The following ATP7A variants were observed in gnomAD, a reference collection of about 807,000 sequenced individuals.
ATP7A encodes ATPase copper transporting alpha.
ATP7A carries 7 observed loss-of-function variants against 83.5 expected under a neutral mutation model. That is an observed-to-expected ratio of 0.08 (90% CI 0.05 to 0.16). ATP7A has a LOEUF of 0.16. ATP7A is among the 10% of genes least tolerant of loss of function. ATP7A has a pLI of 1.00. For missense variants in ATP7A, 940 were observed against 1,120.8 expected (o/e 0.84, Z 2.30); for synonymous variants, 354 against 395.2 (o/e 0.90, Z 1.24).
At chrX:77,923,086 T>C (rs782781796) in intron 1 of ATP7A, 8 of 112,532 alleles carry the variant, frequency 7.1e-5, no homozygotes, top group Non-Finnish European at 1.5e-4. Context: ...AATCCAAGTC[T>C]GTCTGATGCC....
chrX:77,966,609 T>C (rs933312915), intron 1 of ATP7A, among the ~76,000 whole-genome samples: 2 of 111,498 alleles, frequency 1.8e-5, no homozygotes, highest in South Asian at 3.7e-4. Context: ...GAAATAAAAT[T>C]AGTGTTTGCC....
At chrX:77,986,359 A>G (rs2077636738) in intron 2 of ATP7A, among the ~76,000 whole-genome samples, 1 of 112,785 alleles carries the variant, frequency 8.9e-6, no homozygotes, top group Non-Finnish European at 1.9e-5. Flanking sequence ...GAGATTTTCT[A>G]TGCTGAATTA....
rs1030987530 is a variant in ATP7A at position 77,919,514 on chromosome X, G to A, written c.-22+8679G>A. On this transcript the variant is annotated intron_variant, in intron 1 of 22. Transcript: ENST00000341514. ...CTATTTTAACCTTTTTTTTTGAGAC[G>A]AAGTCTCACTCTGTCACCCAGGATG... Among the ~76,000 whole-genome samples, 6 of 111,396 alleles carry A rather than the reference G, an allele frequency of 5.4e-5. No individual in the cohort carries two copies. In the East Asian group the frequency reaches 8.4e-4, roughly 16 times the overall value.
chrX:78,038,434 A>C, intron 17 of ATP7A, among the ~76,000 whole-genome samples: 1 of 111,551 alleles, frequency 9.0e-6, no homozygotes, highest in South Asian at 3.8e-4. Context: ...CCACTTAAAG[A>C]AAATGAGATG....
intron 21 of ATP7A, among the ~76,000 whole-genome samples, chrX:78,043,657 C>CTTT (rs781972709): frequency 5.3e-5 from 5 of 93,824 alleles, no homozygotes; most frequent in East Asian, 3.3e-4. Flanking sequence ...TTCCCTCCAA[C>CTTT]TTTTTTTTTT....
chrX:77,948,162 T>A (rs1270977836), intron 1 of ATP7A, among the ~76,000 whole-genome samples: 1 of 109,280 alleles, frequency 9.2e-6, no homozygotes, highest in African/African-American at 3.3e-5. Flanking sequence ...AGTCTTGCTC[T>A]GTCACCCAGG....
rs150140065 is a variant in ATP7A at position 77,931,341 on chromosome X, G to A, written c.-22+20506G>A. Among the ~76,000 whole-genome samples the A allele has an allele frequency of 8.9e-4, 99 of 111,358 alleles. No individual in the cohort carries two copies. The East Asian group carries it at 0.026, about 30-fold the overall frequency. ...GCACAGGGTTGGGGGTAAGGTCACCGATGAGCAGGATCCCAAGGCAGAAGA... is the reference window on the plus strand; with the variant it reads ...GCACAGGGTTGGGGGTAAGGTCACCAATGAGCAGGATCCCAAGGCAGAAGA... On this transcript the variant is annotated intron_variant, in intron 1 of 22. Coordinates refer to ENST00000341514, the MANE Select transcript of ATP7A (RefSeq NM_000052.7).
intron 4 of ATP7A, among the ~76,000 whole-genome samples, chrX:77,991,665 A>G (rs1437144019): frequency 9.0e-6 from 1 of 111,268 alleles, no homozygotes; most frequent in Non-Finnish European, 1.9e-5. Context: ...TAGCTGTTCC[A>G]TTTTACATTA....
At position 77,998,451 on chromosome X, in the gene ATP7A, TGAAAAGAATC is replaced by T. The variant is rs781921078; in HGVS notation, c.1337-26_1337-17del. On this transcript the variant is annotated splice_polypyrimidine_tract_variant and intron_variant, in intron 4 of 22. Transcript: ENST00000341514. ...GCAATTGAATGATCAATACTGCAAA[TGAAAAGAATC>T]TTTCCCTTTCTACCAGACACGAATG... The T allele has an allele frequency of 8.4e-7, 1 of 1,196,451 alleles. No homozygotes were observed. Among genetic ancestry groups the T allele is most frequent in the South Asian group, 1.8e-5 (1 of 56,650 alleles).
At chrX:77,933,492 C>T (rs1279507065) in intron 1 of ATP7A, among the ~76,000 whole-genome samples, 2 of 111,587 alleles carry the variant, frequency 1.8e-5, no homozygotes, top group African/African-American at 6.5e-5. Flanking sequence ...AATTGAGTAT[C>T]CCTTATCAGA....
chrX:78,033,641 T>C lies in ATP7A; in HGVS notation c.3331T>C (p.Phe1111Leu). Reference sequence around the variant, plus strand: ...TGAAACCTTGGGTACCTGCATAGATTTCCAGGTTGTGCCAGGCTGTGGTAT... The same window carrying C: ...TGAAACCTTGGGTACCTGCATAGATCTCCAGGTTGTGCCAGGCTGTGGTAT... ...DTETLGTCID[F>L]QVVPGCGISC... Residue 1111 changes from phenylalanine to leucine, a missense_variant, in exon 17 of 23, where the codon TTC (phenylalanine) becomes CTC (leucine). Phe to Leu is a conservative substitution (Grantham distance 22). Around this residue, in one of 3 missense-constraint regions of ATP7A, gnomAD observed 386 missense variants for 502.2 expected, o/e 0.77. Transcript: ENST00000341514. The C allele has an allele frequency of 8.3e-7, 1 of 1,211,709 alleles. No individual in the cohort carries two copies. The highest frequency in any genetic ancestry group is 1.1e-6 in the Non-Finnish European group (1 of 895,449).
Position 78,011,501 on chromosome X carries a change from C to T in ATP7A, c.1999C>T (p.Leu667=). Residue 667 remains leucine (L), a synonymous_variant, in exon 9 of 23, where the codon CTG becomes TTG. Transcript: ENST00000341514. ...SLFFCIPVMG[L]MIYMMVMDHH... ...GTTTTTCTGTATTCCTGTAATGGGG[C>T]TGATGATATATATGATGGTTATGGA... The T allele has an allele frequency of 8.3e-7, 1 of 1,210,403 alleles. No individual in the cohort carries two copies. Among genetic ancestry groups the T allele is most frequent in the South Asian group, 1.8e-5 (1 of 56,891 alleles).
chrX:77,947,326 C>T (rs1200366808), intron 1 of ATP7A, among the ~76,000 whole-genome samples: 1 of 111,530 alleles, frequency 9.0e-6, no homozygotes, highest in African/African-American at 3.3e-5. Context: ...TGAAAAAGTT[C>T]TGAAGACAGA....
At chrX:78,041,571 G>A (rs1398104932) in intron 19 of ATP7A, among the ~76,000 whole-genome samples, 1 of 109,905 alleles carries the variant, frequency 9.1e-6, no homozygotes, top group African/African-American at 3.3e-5. Context: ...CACCGCACCC[G>A]GCCTATTAAC....
chrX:78,040,199 GCC>G (rs72092192), intron 18 of ATP7A, among the ~76,000 whole-genome samples: 27,545 of 86,921 alleles, frequency 0.32, 2,977 homozygotes, highest in South Asian at 0.45. Context: ...GTCTCTCTCT[GCC>G]CCCCCCCCCT....
intron 1 of ATP7A, among the ~76,000 whole-genome samples, chrX:77,920,916 T>A (rs1430176498): frequency 8.9e-6 from 1 of 111,908 alleles, no homozygotes. Context: ...TAATTTACAT[T>A]CCCACCAACA....
chrX:77,939,141 C>G (rs2077336776), intron 1 of ATP7A, among the ~76,000 whole-genome samples: 1 of 110,659 alleles, frequency 9.0e-6, no homozygotes, highest in Non-Finnish European at 1.9e-5. Flanking sequence ...ACTAAAAATA[C>G]AAAGAATTAG....
chrX:78,042,496 TG>T, intron 19 of ATP7A, 88 bp from the exon 20 acceptor site: 2 of 927,922 alleles, frequency 2.2e-6, no homozygotes, highest in Non-Finnish European at 3.1e-6. Context: ...GGACATCTTG[TG>T]GGTGAAAACT....
intron 1 of ATP7A, among the ~76,000 whole-genome samples, chrX:77,950,154 G>T (rs782488283): frequency 8.9e-6 from 1 of 112,137 alleles, no homozygotes; most frequent in South Asian, 3.7e-4. Flanking sequence ...GTGTATTCAT[G>T]TCACTTTCTC....
Sources: allele counts gnomAD v4.1 joint callset (sites outside exome capture counted in the v4.1 genomes callset), GRCh38; gene constraint gnomAD v4.1.1; regional missense constraint gnomAD v4.1.1; transcripts MANE v1.5; gene names NCBI Gene and HGNC (gene_info 2026-07-23, HGNC 2026-07-21).